SLC17A3: variants seen among roughly 807,000 people sequenced by gnomAD.
SLC17A3 encodes solute carrier family 17 member 3.
In SLC17A3, 61 loss-of-function variants were observed where a neutral mutation model predicts 60.3. The ratio of observed to expected loss-of-function variants is 1.01; its 90% CI spans 0.82 to 1.25. The LOEUF (loss-of-function observed/expected upper bound fraction) is 1.25, where lower values mean the gene tolerates loss of function less well. SLC17A3 is among the 50% of genes most tolerant of loss of function. The pLI, the probability that SLC17A3 is intolerant of heterozygous loss-of-function variation, is 0.00. For missense variants in SLC17A3, 624 were observed against 594.9 expected, an observed-to-expected ratio of 1.05 and a Z score of -0.51; for synonymous variants, 192 against 208.9, an observed-to-expected ratio of 0.92 and a Z score of 0.70.
intron 5 of SLC17A3, among the ~76,000 whole-genome samples, chr6:25,860,686 G>A (rs996382463): frequency 2.0e-5 from 3 of 152,088 alleles, no homozygotes; most frequent in Non-Finnish European, 2.9e-5. Context: ...ACTGAGATTC[G>A]TCTAGATACT....
chr6:25,864,936 A>G (rs1447986693), intron 2 of SLC17A3, among the ~76,000 whole-genome samples: 1 of 151,914 alleles, frequency 6.6e-6, no homozygotes, highest in East Asian at 1.9e-4. Flanking sequence ...GTGAAAAGGA[A>G]TGGGTGGTGG....
rs1367068629 is a variant in SLC17A3, at chr6:25,862,274, A to G, written c.262T>C (p.Phe88Leu). The change falls in exon 3 of 13, where the codon TTT becomes CTT. Residue 88 changes from phenylalanine to leucine, a missense_variant. By Grantham distance (22) the Phe-to-Leu change is conservative. Transcript: ENST00000397060. ...DSSEVLPVDSFGGLSKAPKSL... is the reference protein window; with the variant it reads ...DSSEVLPVDSLGGLSKAPKSL... ...TTTGGGGCTTTACTTAGGCCACCAA[A>G]TGAGTCAACAGGCAGCACCTCAGAG... The G allele has an allele frequency of 6.2e-7, 1 of 1,613,844 alleles. No homozygotes were observed.
chr6:25,845,482 A>T lies in SLC17A3; in HGVS notation c.1397T>A (p.Leu466Ter). 1 of 1,614,036 alleles carries T rather than the reference A, an allele frequency of 6.2e-7. No individual in the cohort carries two copies. Among genetic ancestry groups the T allele is most frequent in the Admixed American group, 1.7e-5 (1 of 60,026 alleles). ...PEFGWRNVFF[L>*]LFAVNLLGLL... Reference sequence around the variant, plus strand: ...TCCTAACAGGTTAACGGCAAACAGCAAGAAGAAGACATTCCTCCACCCAAA... The same window carrying T: ...TCCTAACAGGTTAACGGCAAACAGCTAGAAGAAGACATTCCTCCACCCAAA... The change falls in exon 12 of 13, where the codon TTG (leucine) becomes TAG (stop). Residue 466 changes from leucine to a stop codon, truncating the protein, a stop_gained. Coordinates refer to ENST00000397060, the MANE Select transcript of SLC17A3 (RefSeq NM_001098486.2). LOFTEE classifies it high-confidence loss of function.
chr6:25,847,842 T>C (rs1581518926), intron 11 of SLC17A3, among the ~76,000 whole-genome samples: 1 of 152,254 alleles, frequency 6.6e-6, no homozygotes, highest in East Asian at 1.9e-4. Flanking sequence ...GGTGCACCCA[T>C]CACCCAATCA....
intron 5 of SLC17A3, among the ~76,000 whole-genome samples, chr6:25,859,788 T>G (rs546214407): frequency 6.6e-6 from 1 of 152,338 alleles, no homozygotes; most frequent in East Asian, 1.9e-4. Flanking sequence ...TTGAACATTC[T>G]GCACACTTGA....
intron 5 of SLC17A3, among the ~76,000 whole-genome samples, chr6:25,857,508 C>T (rs892354920): frequency 6.6e-6 from 1 of 150,418 alleles, no homozygotes. Context: ...CTATAATGAC[C>T]TCTACGTTTA....
In SLC17A3 at chr6:25,850,592, A is replaced by G. The variant is rs1765258831; in HGVS notation, c.860T>C (p.Ile287Thr). 6.2e-7 allele frequency: 1 copy of G among 1,614,042 alleles called. No individual in the cohort carries two copies. The highest frequency in any genetic ancestry group is 1.3e-5 in the African/African-American group (1 of 75,034). ...QVGSSKQPLPIKAMLRSLPIW... is the reference protein window; with the variant it reads ...QVGSSKQPLPTKAMLRSLPIW... The stretch of plus-strand genomic sequence containing the variant: ...GGGTAGAGATCTGAGCATAGCTTTG[A>G]TGGGAAGAGGCTGCTTAGAAGACCC... Residue 287 changes from isoleucine to threonine, a missense_variant, in exon 8 of 13, where the codon ATC (isoleucine) becomes ACC (threonine). Coordinates refer to ENST00000397060, the MANE Select transcript of SLC17A3 (RefSeq NM_001098486.2).
intron 11 of SLC17A3, among the ~76,000 whole-genome samples, chr6:25,846,757 T>C (rs779967995): frequency 6.6e-6 from 1 of 152,090 alleles, no homozygotes; most frequent in Non-Finnish European, 1.5e-5. Context: ...ACTACAGGTA[T>C]GCACCACCAC....
chr6:25,859,690 T>G (rs778146727), intron 5 of SLC17A3, among the ~76,000 whole-genome samples: 3 of 152,202 alleles, frequency 2.0e-5, no homozygotes, highest in Non-Finnish European at 4.4e-5. Context: ...TGGACACCCC[T>G]GTTTGAACCT....
At chr6:25,854,936 T>A (rs1765334628) in intron 6 of SLC17A3, among the ~76,000 whole-genome samples, 1 of 152,228 alleles carries the variant, frequency 6.6e-6, no homozygotes, top group Non-Finnish European at 1.5e-5. Flanking sequence ...TAACACAATA[T>A]GGTGGGTTAA....
intron 11 of SLC17A3, among the ~76,000 whole-genome samples, chr6:25,848,856 T>C (rs889455204): frequency 1.3e-5 from 2 of 152,190 alleles, no homozygotes; most frequent in East Asian, 3.9e-4. Context: ...GAGAAAGGAC[T>C]AATATCCAGA....
chr6:25,857,067 T>C (rs1231431832), intron 5 of SLC17A3, among the ~76,000 whole-genome samples: 7 of 151,750 alleles, frequency 4.6e-5, no homozygotes, highest in African/African-American at 1.7e-4. Context: ...TGCCTGACTG[T>C]AGTTTCAGCT....
At chr6:25,873,874 A>G (rs1765684549) in intron 1 of SLC17A3, among the ~76,000 whole-genome samples, 1 of 151,990 alleles carries the variant, frequency 6.6e-6, no homozygotes, top group Non-Finnish European at 1.5e-5. Flanking sequence ...GACCTGCAAA[A>G]TTTTGCTTTT....
chr6:25,860,381 C>T (rs953175009), intron 5 of SLC17A3, among the ~76,000 whole-genome samples: 64 of 152,202 alleles, frequency 4.2e-4, no homozygotes, highest in African/African-American at 1.4e-3. Flanking sequence ...AGTCCTATGC[C>T]AACCTTATAA....
chr6:25,864,709 C>A (rs1207067062), intron 2 of SLC17A3, among the ~76,000 whole-genome samples: 1 of 151,826 alleles, frequency 6.6e-6, no homozygotes, highest in African/African-American at 2.4e-5. Context: ...TCTTAGGCAC[C>A]AAAGAGAAGA....
chr6:25,850,620 C>A lies in SLC17A3; in HGVS notation c.832G>T (p.Val278Phe). ...GGAAGAGGCTGCTTAGAAGACCCGA[C>A]CTGAAAACAAATTTACTGGTCATAA... ...EYIISSLKQQVGSSKQPLPIK... is the reference protein window; with the variant it reads ...EYIISSLKQQFGSSKQPLPIK... Residue 278 changes from valine (V) to phenylalanine (F), a missense_variant and splice_region_variant, in exon 8 of 13, where the codon GTC (valine) becomes TTC (phenylalanine). Physicochemically the swap from Val to Phe is conservative, Grantham distance 50. Transcript: ENST00000397060. 6.2e-7 allele frequency: 1 copy of A among 1,613,978 alleles called. No homozygotes were observed. The highest frequency in any genetic ancestry group is 2.2e-5 in the East Asian group (1 of 44,854).
At chr6:25,848,514 C>A (rs1765216804) in intron 11 of SLC17A3, among the ~76,000 whole-genome samples, 2 of 152,048 alleles carry the variant, frequency 1.3e-5, no homozygotes, top group Admixed American at 1.3e-4. Flanking sequence ...ACACCTTATT[C>A]AACAAATAGT....
Position 25,850,807 on chromosome 6 carries a change from C to G in SLC17A3, c.783G>C (p.Trp261Cys). Residue 261 changes from tryptophan (W) to cysteine (C), a missense_variant, in exon 7 of 13, where the codon TGG (tryptophan) becomes TGC (cysteine). Physicochemically the swap from Trp to Cys is radical, Grantham distance 215 (BLOSUM62 -2). Transcript: ENST00000397060. ...VIYDDPVSYP[W>C]ISTSEKEYII... ...TGTATTCTTTTTCTGAGGTGCTTATCCATGGATAGGAAACGGGGTCATCAT... is the reference window on the plus strand; with the variant it reads ...TGTATTCTTTTTCTGAGGTGCTTATGCATGGATAGGAAACGGGGTCATCAT... The G allele has an allele frequency of 6.2e-7, 1 of 1,614,032 alleles. No homozygotes were observed. The highest frequency in any genetic ancestry group is 8.5e-7 in the Non-Finnish European group (1 of 1,179,944).
chr6:25,857,770 C>G (rs957930723), intron 5 of SLC17A3, among the ~76,000 whole-genome samples: 2 of 152,092 alleles, frequency 1.3e-5, no homozygotes, highest in African/African-American at 4.8e-5. Context: ...CTTTTTCTAC[C>G]ACTAAGTCCA....
Sources: allele counts gnomAD v4.1 joint callset (sites outside exome capture counted in the v4.1 genomes callset), GRCh38; gene constraint gnomAD v4.1.1; transcripts MANE v1.5; gene names NCBI Gene and HGNC (gene_info 2026-07-23, HGNC 2026-07-21).